LMNA: variants seen among roughly 807,000 people sequenced by gnomAD.
LMNA encodes lamin.
LMNA carries 20 observed loss-of-function variants against 70.4 expected under a neutral mutation model. That is an observed-to-expected ratio of 0.28 (90% CI 0.20 to 0.41). LMNA has a LOEUF of 0.41. Ranked by LOEUF, LMNA falls within the 10% of genes least tolerant of loss-of-function variation. The probability of loss-of-function intolerance (pLI) is 1.00; values close to 1 mark genes in which losing one functional copy is unlikely to be tolerated. For synonymous variants in LMNA, 339 were observed against 372.8 expected (o/e 0.91, Z 1.04); for missense variants, 652 against 917.2 (o/e 0.71, Z 3.73).
chr1:156,130,104 A>G (rs957965005), intron 1 of LMNA, among the ~76,000 whole-genome samples: 1 of 152,096 alleles, frequency 6.6e-6, no homozygotes, highest in Non-Finnish European at 1.5e-5. Context: ...ACATGTGTAA[A>G]AGGGACTAGG....
chr1:156,134,897 G>A lies in LMNA; in HGVS notation c.732G>A (p.Ala244=), dbSNP rs756952925. ...QREFESRLAD[A]LQELRAQHED... ...AGTTTGAGAGCCGGCTGGCGGATGC[G>A]CTGCAGGAACTGCGGGCCCAGCATG... Residue 244 remains alanine, a synonymous_variant, in exon 4 of 12, where the codon GCG becomes GCA. Coordinates refer to ENST00000368300, the MANE Select transcript of LMNA (RefSeq NM_170707.4). The surrounding 1 kb of genome is among the most constrained non-coding windows in gnomAD (Gnocchi z 5.3). 8.7e-6 allele frequency: 14 copies of A among 1,614,204 alleles called. No homozygotes were observed. The highest frequency in any genetic ancestry group is 2.2e-5 in the East Asian group (1 of 44,888).
intron 2 of LMNA, among the ~76,000 whole-genome samples, chr1:156,133,740 A>C (rs1038780983): frequency 6.6e-6 from 1 of 151,774 alleles, no homozygotes; most frequent in African/African-American, 2.4e-5. Context: ...AGGCTTCAGC[A>C]GTACTGATCT....
intron 3 of LMNA, among the ~76,000 whole-genome samples, chr1:156,104,011 C>T (rs551242780): frequency 1.3e-5 from 2 of 152,214 alleles, no homozygotes; most frequent in Non-Finnish European, 2.9e-5. Flanking sequence ...TTGGCTCCCC[C>T]CTTCACAGCC....
exon 3 of LMNA, chr1:156,090,570 G>T (rs961352138): frequency 6.6e-6 from 1 of 152,190 alleles, no homozygotes; most frequent in Admixed American, 6.5e-5. Context: ...AACTTTCCTA[G>T]GTCACAGAGC....
intron 2 of LMNA, among the ~76,000 whole-genome samples, chr1:156,088,030 C>A (rs1487308538): frequency 6.6e-6 from 1 of 151,982 alleles, no homozygotes; most frequent in Non-Finnish European, 1.5e-5. Context: ...CACCACCACA[C>A]CCAGCTAATT....
In LMNA at chr1:156,136,271, C is replaced by A; in HGVS notation, c.1215C>A (p.His405Gln). Residue 405 changes from histidine to glutamine, a missense_variant, in exon 7 of 12, where the codon CAC becomes CAA. Physicochemically the swap from His to Gln is conservative, Grantham distance 24. Coordinates refer to ENST00000368300, the MANE Select transcript of LMNA (RefSeq NM_170707.4). The surrounding 1 kb of genome is among the most constrained non-coding windows in gnomAD (Gnocchi z 6.1). ...GCAGCCGTGGCCGTGCTTCCTCTCA[C>A]TCATCCCAGACACAGGGTGGGGGCA... ...SQRSRGRASS[H>Q]SSQTQGGGSV... The A allele has an allele frequency of 6.2e-7, 1 of 1,612,138 alleles. No individual in the cohort carries two copies. Among genetic ancestry groups the A allele is most frequent in the Non-Finnish European group, 8.5e-7 (1 of 1,180,036 alleles).
At chr1:156,106,683 C>T (rs1250744235) in intron 3 of LMNA, 6 of 142,708 alleles carry the variant, frequency 4.2e-5, no homozygotes, top group Admixed American at 2.9e-4. Context: ...CGGCAGCGTT[C>T]CCCCCTTAAC....
Position 156,139,108 on chromosome 1 carries a change from C to G in LMNA, c.*2C>G. The G allele has an allele frequency of 6.2e-7, 1 of 1,614,024 alleles. No homozygotes were observed. Among genetic ancestry groups the G allele is most frequent in the Non-Finnish European group, 8.5e-7 (1 of 1,180,002 alleles). On this transcript the variant is annotated 3_prime_UTR_variant, in exon 12 of 12. Coordinates refer to ENST00000368300, the MANE Select transcript of LMNA (RefSeq NM_170707.4). ...CCCCAGAACTGCAGCATCATGTAAT[C>G]TGGGACCTGCCAGGCAGGGGTGGGG...
At chr1:156,102,341 G>A (rs1442884523) in intron 3 of LMNA, among the ~76,000 whole-genome samples, 1 of 152,138 alleles carries the variant, frequency 6.6e-6, no homozygotes, top group Non-Finnish European at 1.5e-5. Flanking sequence ...TGGGCCTGGG[G>A]TACAGAGGGC....
At chr1:156,133,602 C>A (rs1651269903) in intron 2 of LMNA, among the ~76,000 whole-genome samples, 1 of 151,954 alleles carries the variant, frequency 6.6e-6, no homozygotes. Context: ...AAAAGAAAAT[C>A]TAAGCGTGGT....
exon 1 of LMNA, chr1:156,082,652 A>C (rs1031732201): frequency 6.6e-6 from 1 of 152,270 alleles, no homozygotes; most frequent in Non-Finnish European, 1.5e-5. Context: ...TAGGAGTGGG[A>C]TGGAAGTCGA....
At position 156,134,741 on chromosome 1, in the gene LMNA, G is replaced by A; in HGVS notation, c.640-64G>A. The A allele has an allele frequency of 1.2e-6, 2 of 1,609,092 alleles. No homozygotes were observed. The highest frequency in any genetic ancestry group is 1.7e-6 in the Non-Finnish European group (2 of 1,176,036). On this transcript the variant is annotated intron_variant, in intron 3 of 11. Transcript: ENST00000368300. This position sits in a 1 kb window ranked among gnomAD's most constrained non-coding sequence, Gnocchi z 5.3. Reference sequence around the variant, plus strand: ...GGCTGGGCAGGGAGCCCCGCCCCTGGGTCTTGGCCTCCCAGGAACTAATTC... The same window carrying A: ...GGCTGGGCAGGGAGCCCCGCCCCTGAGTCTTGGCCTCCCAGGAACTAATTC...
upstream of LMNA, among the ~76,000 whole-genome samples, chr1:156,114,018 T>C (rs1323348039): frequency 1.3e-5 from 2 of 152,022 alleles, no homozygotes; most frequent in Non-Finnish European, 2.9e-5. Context: ...TAAAAACGAA[T>C]GCTTGGCTTT....
chr1:156,097,078 G>T (rs1470539875), intron 3 of LMNA, among the ~76,000 whole-genome samples: 3 of 152,254 alleles, frequency 2.0e-5, no homozygotes, highest in Non-Finnish European at 4.4e-5. Flanking sequence ...TTCTCTTGAG[G>T]ACATGAAATG....
In LMNA at chr1:156,114,881, A is replaced by C; in HGVS notation, c.-38A>C. ...ACCCGAGCCCCGCGCCCTTTCCGGG[A>C]CCCCTGCCCCGCGGGCAGCGCTGCC... On this transcript the variant is annotated 5_prime_UTR_variant, in exon 1 of 12. Coordinates refer to ENST00000368300, the MANE Select transcript of LMNA (RefSeq NM_170707.4). The C allele has an allele frequency of 7.0e-7, 1 of 1,421,906 alleles. No homozygotes were observed. The highest frequency in any genetic ancestry group is 9.4e-7 in the Non-Finnish European group (1 of 1,061,024). 88.1% of individuals were successfully genotyped at this position (1,421,906 alleles called of 1,614,324 possible).
At chr1:156,096,404 G>A (rs1007909100) in intron 3 of LMNA, among the ~76,000 whole-genome samples, 4 of 152,232 alleles carry the variant, frequency 2.6e-5, no homozygotes, top group Admixed American at 1.3e-4. Flanking sequence ...GGATTGTTGT[G>A]CAATTAGTGG....
Position 156,134,972 on chromosome 1 carries a change from C to T in LMNA, c.807C>T (p.Ala269=), listed in dbSNP as rs1194309507. 1 of 1,614,048 alleles carries T rather than the reference C, an allele frequency of 6.2e-7. No homozygotes were observed. Among genetic ancestry groups the T allele is most frequent in the African/African-American group, 1.3e-5 (1 of 74,930 alleles). The change falls in exon 4 of 12, where the codon GCC becomes GCT. Residue 269 remains alanine (A), a synonymous_variant. Transcript: ENST00000368300. This position sits in a 1 kb window ranked among gnomAD's most constrained non-coding sequence, Gnocchi z 5.3. ...YKKELEKTYS[A]KLDNARQSAE... is the part of the protein sequence containing the mutation. ...AGGAGCTGGAGAAGACTTATTCTGC[C>T]AAGGTGCTTGCTCTCGATTGGTTCC...
In LMNA at chr1:156,115,389, A is replaced by G. The variant is rs1649757630; in HGVS notation, c.356+115A>G. ...GGGCCTGGAGGCCGATAACTTTGCC[A>G]TAGTCTCCTCCCTCCCCGGAACTGC... On this transcript the variant is annotated intron_variant, in intron 1 of 11. Coordinates refer to ENST00000368300, the MANE Select transcript of LMNA (RefSeq NM_170707.4). The surrounding 1 kb of genome is among the most constrained non-coding windows in gnomAD (Gnocchi z 5.8). The G allele has an allele frequency of 2.1e-6, 2 of 935,978 alleles. No individual in the cohort carries two copies. Among genetic ancestry groups the G allele is most frequent in the Non-Finnish European group, 3.3e-6 (2 of 601,768 alleles). The allele number at this position is 935,978 out of a possible 1,614,324, so 58.0% of individuals were successfully genotyped here. A position where few individuals can be genotyped will look rare whatever the true frequency, so the allele number is the denominator to read the frequency against.
In LMNA at chr1:156,138,750, G is replaced by C; in HGVS notation, c.1961G>C (p.Arg654Pro). ...TACCTCCTGGGCAACTCCAGCCCCCGAACCCAGGTGAGTTGTCTCTGCTTT... is the reference window on the plus strand; with the variant it reads ...TACCTCCTGGGCAACTCCAGCCCCCCAACCCAGGTGAGTTGTCTCTGCTTT... ...RSYLLGNSSP[R>P]TQSPQNCSIM The change falls in exon 11 of 12, where the codon CGA becomes CCA. Residue 654 changes from arginine (R) to proline (P), a missense_variant. Physicochemically the swap from Arg to Pro is moderately radical, Grantham distance 103. Coordinates refer to ENST00000368300, the MANE Select transcript of LMNA (RefSeq NM_170707.4). This position sits in a 1 kb window ranked among gnomAD's most constrained non-coding sequence, Gnocchi z 5.5. 1 of 1,613,442 alleles carries C rather than the reference G, an allele frequency of 6.2e-7. No homozygotes were observed.
Sources: gnomAD v4.1 joint callset for allele counts (sites outside exome capture counted in the v4.1 genomes callset) on GRCh38, gnomAD v4.1.1 for gene constraint, Gnocchi (gnomAD v3.1) non-coding constraint, MANE v1.5 for transcripts, NCBI Gene and HGNC (gene_info 2026-07-23, HGNC 2026-07-21) for gene names.